The following ZNF341 variants were observed in gnomAD, a reference collection of about 807,000 sequenced individuals.
The protein encoded by ZNF341 is zinc finger protein 341.
Under a neutral mutation model 87.7 loss-of-function variants are expected in ZNF341, and 52 were observed. The observed-to-expected ratio is 0.59, with a 90% confidence interval of 0.47 to 0.75. The LOEUF (loss-of-function observed/expected upper bound fraction) is 0.75. Among genes scored for constraint, ZNF341 ranks in the 30% least tolerant of loss-of-function variants. ZNF341 has a pLI of 0.00. For synonymous variants in ZNF341, 459 were observed against 472.7 expected (o/e 0.97, Z 0.38); for missense variants, 977 against 1,145.9 (o/e 0.85, Z 2.13).
chr20:33,790,072 AT>A (rs11470365), intron 14 of ZNF341, among the ~76,000 whole-genome samples: 3,264 of 140,800 alleles, frequency 0.023, 88 homozygotes, highest in African/African-American at 0.064. Flanking sequence ...GGGCCAGATA[AT>A]TTTTTTTTTT....
intron 1 of ZNF341, among the ~76,000 whole-genome samples, chr20:33,734,351 T>G (rs2018636771): frequency 1.3e-5 from 2 of 152,056 alleles, no homozygotes; most frequent in South Asian, 4.1e-4. Context: ...CAATGTGATG[T>G]ATGTTTTATA....
chr20:33,734,068 T>G (rs2018632329), intron 1 of ZNF341, among the ~76,000 whole-genome samples: 1 of 152,230 alleles, frequency 6.6e-6, no homozygotes. Flanking sequence ...TATTGAGTAA[T>G]GAAGACAGTT....
At chr20:33,778,545 A>G (rs767951414) in intron 10 of ZNF341, among the ~76,000 whole-genome samples, 2 of 152,166 alleles carry the variant, frequency 1.3e-5, no homozygotes, top group Non-Finnish European at 2.9e-5. Context: ...TCCTGACCTT[A>G]AGTGATCCGC....
At chr20:33,761,078 T>G (rs1244823680) in intron 7 of ZNF341, among the ~76,000 whole-genome samples, 1 of 152,034 alleles carries the variant, frequency 6.6e-6, no homozygotes, top group Non-Finnish European at 1.5e-5. Flanking sequence ...CATTGTAACC[T>G]CCAACTGATG....
At position 33,740,956 on chromosome 20, in the gene ZNF341, C is replaced by A. The variant is rs2018786822; in HGVS notation, c.86C>A (p.Ala29Glu). The A allele has an allele frequency of 6.2e-7, 1 of 1,614,058 alleles. No homozygotes were observed. The highest frequency in any genetic ancestry group is 1.1e-5 in the South Asian group (1 of 91,088). The change falls in exon 2 of 15, where the codon GCA (alanine) becomes GAA (glutamate). Residue 29 changes from alanine (A) to glutamate (E), a missense_variant. Ala to Glu is a moderately radical substitution (Grantham distance 107). Around this residue, in one of 3 missense-constraint regions of ZNF341, gnomAD observed 515 missense variants for 598.2 expected, o/e 0.86. Coordinates refer to ENST00000375200, the MANE Select transcript of ZNF341 (RefSeq NM_001282933.2). ...CAGTCATTATTGGATGGCCAAGGAG[C>A]AGTCCCTGATCCGACAGGCCAGAGT... Reference protein sequence around the residue: ...AVQSLLDGQGAVPDPTGQSVN... With the variant: ...AVQSLLDGQGEVPDPTGQSVN...
chr20:33,738,137 CAA>C (rs35695162), intron 1 of ZNF341, among the ~76,000 whole-genome samples: 11 of 118,182 alleles, frequency 9.3e-5, no homozygotes, highest in African/African-American at 1.3e-4. Context: ...AACTCCATCT[CAA>C]AAAAAAAAAA....
Position 33,758,780 on chromosome 20 carries a change from C to T in ZNF341, c.1002C>T (p.Asn334=), listed in dbSNP as rs1399222668. 4 of 1,614,006 alleles carry T rather than the reference C, an allele frequency of 2.5e-6. No homozygotes were observed. In the Admixed American group the frequency reaches 6.7e-5, roughly 27 times the overall value. ...ACTGTGACAAGTCATTCACCAAAAA[C>T]TTTGACCTGCAGCAGCACATCCGAA... ...CSYCDKSFTK[N]FDLQQHIRSH... is the part of the protein sequence containing the mutation. Residue 334 remains asparagine, a synonymous_variant, in exon 7 of 15, where the codon AAC becomes AAT. Coordinates refer to ENST00000375200, the MANE Select transcript of ZNF341 (RefSeq NM_001282933.2).
At chr20:33,775,631 C>T (rs778828000) in intron 10 of ZNF341, among the ~76,000 whole-genome samples, 8 of 151,952 alleles carry the variant, frequency 5.3e-5, no homozygotes, top group Non-Finnish European at 1.2e-4. Flanking sequence ...TGACCCACTT[C>T]CCCATATCAC....
chr20:33,739,293 A>G (rs1252731434), intron 1 of ZNF341, among the ~76,000 whole-genome samples: 2 of 152,164 alleles, frequency 1.3e-5, no homozygotes, highest in Admixed American at 6.6e-5. Flanking sequence ...GATGGTTTCA[A>G]TTTGCATTGC....
chr20:33,789,735 G>C (rs1031322677), intron 14 of ZNF341, 147 bp downstream of exon 14: 2 of 855,672 alleles, frequency 2.3e-6, no homozygotes, highest in East Asian at 2.7e-5. Flanking sequence ...ACTTATGTGG[G>C]CTATGAGCCA....
At chr20:33,767,721 T>A (rs1414343625) in intron 9 of ZNF341, among the ~76,000 whole-genome samples, 2 of 152,228 alleles carry the variant, frequency 1.3e-5, no homozygotes, top group African/African-American at 4.8e-5. Flanking sequence ...ATGTGCTCTA[T>A]CATTTGACAA....
intron 8 of ZNF341, among the ~76,000 whole-genome samples, chr20:33,762,373 CA>C (rs1347956210): frequency 6.6e-6 from 1 of 150,398 alleles, no homozygotes; most frequent in Non-Finnish European, 1.5e-5. Flanking sequence ...TTAATATTTT[CA>C]GACCATGATT....
intron 4 of ZNF341, 91 bp downstream of exon 4, chr20:33,749,163 T>C (rs897007641): frequency 6.7e-6 from 10 of 1,483,598 alleles, no homozygotes; most frequent in Admixed American, 2.1e-5. Context: ...AAAGGGGGCC[T>C]GGCCCCAGCT....
In ZNF341 at chr20:33,780,657, G is replaced by T. The variant is rs148215179; in HGVS notation, c.1623-634G>T. Reference sequence around the variant, plus strand: ...ACTCCTGACCTCAGGTGATGCGCCTGCCTCGGCCTCCCGAAGTACTGGGAT... The same window carrying T: ...ACTCCTGACCTCAGGTGATGCGCCTTCCTCGGCCTCCCGAAGTACTGGGAT... On this transcript the variant is annotated intron_variant, in intron 10 of 14. Transcript: ENST00000375200. Among the ~76,000 whole-genome samples, 99 of 151,886 alleles carry T rather than the reference G, an allele frequency of 6.5e-4. No homozygotes were observed. The East Asian group carries it at 0.018, about 28-fold the overall frequency.
intron 1 of ZNF341, among the ~76,000 whole-genome samples, chr20:33,738,595 C>G (rs950579134): frequency 2.0e-5 from 3 of 152,186 alleles, no homozygotes; most frequent in Non-Finnish European, 2.9e-5. Flanking sequence ...TCATGATTTT[C>G]TCACTTTGCA....
At chr20:33,740,438 G>C (rs1000055059) in intron 1 of ZNF341, among the ~76,000 whole-genome samples, 2 of 152,108 alleles carry the variant, frequency 1.3e-5, no homozygotes, top group Non-Finnish European at 2.9e-5. Flanking sequence ...AAAATCTTGG[G>C]CTCTCTCACA....
intron 4 of ZNF341, among the ~76,000 whole-genome samples, chr20:33,750,706 T>C (rs1417350494): frequency 1.3e-5 from 2 of 152,024 alleles, no homozygotes; most frequent in Non-Finnish European, 2.9e-5. Flanking sequence ...AGTGGCACCA[T>C]CTCGGCTCAC....
chr20:33,744,377 G>A (rs914629392), intron 2 of ZNF341, among the ~76,000 whole-genome samples: 1 of 152,174 alleles, frequency 6.6e-6, no homozygotes, highest in African/African-American at 2.4e-5. Flanking sequence ...TGCAGAACAA[G>A]TTGTCCTCAG....
At chr20:33,790,471 C>A (rs2019984210) in intron 14 of ZNF341, among the ~76,000 whole-genome samples, 1 of 152,082 alleles carries the variant, frequency 6.6e-6, no homozygotes, top group Non-Finnish European at 1.5e-5. Flanking sequence ...CAGTGGCATC[C>A]CCCCACAGTT....
Sources: gnomAD v4.1 joint callset for allele counts (sites outside exome capture counted in the v4.1 genomes callset) on GRCh38, gnomAD v4.1.1 for gene constraint, gnomAD v4.1.1 regional missense constraint, MANE v1.5 for transcripts, NCBI Gene and HGNC (gene_info 2026-07-23, HGNC 2026-07-21) for gene names.